Variants in KLHL7 observed in about 807,000 individuals in gnomAD.
KLHL7 encodes the protein kelch-like protein 7.
In KLHL7, 44 loss-of-function variants were observed where a neutral mutation model predicts 67.4. The observed-to-expected ratio is 0.65, with a 90% CI of 0.51 to 0.84. KLHL7 has a LOEUF of 0.84. Among genes scored for constraint, KLHL7 ranks in the 40% least tolerant of loss-of-function variants. The probability of loss-of-function intolerance (pLI) is 0.00; values close to 1 mark genes in which losing one functional copy is unlikely to be tolerated. For missense variants in KLHL7, 362 were observed against 718.1 expected (o/e 0.50, Z 5.67); for synonymous variants, 252 against 243.3 (o/e 1.04, Z -0.33).
rs1279215717 is a variant in KLHL7, at chr7:23,144,017, T to C, written c.785T>C (p.Met262Thr). The C allele has an allele frequency of 2.5e-6, 4 of 1,613,224 alleles. No homozygotes were observed. Among genetic ancestry groups the C allele is most frequent in the Admixed American group, 3.3e-5 (2 of 60,000 alleles). Residue 262 changes from methionine (M) to threonine (T), a missense_variant, in exon 6 of 11, where the codon ATG (methionine) becomes ACG (threonine). Physicochemically the swap from Met to Thr is moderately conservative, Grantham distance 81. Around this residue, in one of 5 missense-constraint regions of KLHL7, gnomAD observed 155 missense variants for 280.8 expected, o/e 0.55. Coordinates refer to ENST00000339077, the MANE Select transcript of KLHL7 (RefSeq NM_001031710.3). Reference sequence around the variant, plus strand: ...CAAGACAATCCTGAATGCCTTAAGATGGTGATAAGTAAGTTGCCTTAATAA... The same window carrying C: ...CAAGACAATCCTGAATGCCTTAAGACGGTGATAAGTAAGTTGCCTTAATAA... ...LIQDNPECLKMVISGMRYHLL... is the reference protein window; with the variant it reads ...LIQDNPECLKTVISGMRYHLL...
intron 6 of KLHL7, among the ~76,000 whole-genome samples, chr7:23,147,490 A>G (rs1020846789): frequency 1.3e-5 from 2 of 152,166 alleles, no homozygotes; most frequent in Non-Finnish European, 1.5e-5. Flanking sequence ...ATGTTTGGTA[A>G]TGTCAGTATC....
intron 6 of KLHL7, among the ~76,000 whole-genome samples, chr7:23,149,917 C>G (rs1784478412): frequency 6.6e-6 from 1 of 152,194 alleles, no homozygotes; most frequent in African/African-American, 2.4e-5. Context: ...AATTCACCAA[C>G]TATTCTCCAA....
At chr7:23,118,705 G>A (rs1783200105) in intron 1 of KLHL7, among the ~76,000 whole-genome samples, 1 of 152,096 alleles carries the variant, frequency 6.6e-6, no homozygotes, top group Non-Finnish European at 1.5e-5. Flanking sequence ...AGTTATCTCA[G>A]TATCATTTTT....
At chr7:23,113,062 G>A (rs531001261) in intron 1 of KLHL7, among the ~76,000 whole-genome samples, 1 of 152,104 alleles carries the variant, frequency 6.6e-6, no homozygotes, top group East Asian at 1.9e-4. Flanking sequence ...GAAGAAAGAG[G>A]GGATTGATAG....
chr7:23,137,915 G>A (rs1784038162), intron 4 of KLHL7, among the ~76,000 whole-genome samples: 1 of 150,928 alleles, frequency 6.6e-6, no homozygotes, highest in African/African-American at 2.4e-5. Context: ...GGTGGCTTAT[G>A]CCTGTAATCC....
At chr7:23,121,899 G>A (rs1016828170) in intron 1 of KLHL7, among the ~76,000 whole-genome samples, 22 of 151,964 alleles carry the variant, frequency 1.4e-4, no homozygotes, top group Non-Finnish European at 2.1e-4. Flanking sequence ...AGCCAGGATG[G>A]TCTCAATCTG....
chr7:23,123,865 AC>A lies in KLHL7; in HGVS notation c.210del (p.Leu71Ter). 1 of 1,609,160 alleles carries A rather than the reference AC, an allele frequency of 6.2e-7. No homozygotes were observed. Among genetic ancestry groups the A allele is most frequent in the Non-Finnish European group, 8.5e-7 (1 of 1,176,070 alleles). The stretch of plus-strand genomic sequence containing the variant: ...CTTGCTGCAGCCAGTCATTTTTTTA[AC>A]TTAATGTTCACAAGTAAGTATCTTA... ...VVLAAASHFFNLMFTTNMLES... is the reference protein window; with the variant it reads ...VVLAAASHFFXLMFTTNMLES... On this transcript the variant is annotated frameshift_variant, in exon 2 of 11. Transcript: ENST00000339077. LOFTEE classifies it high-confidence loss of function.
chr7:23,175,919 C>G lies in KLHL7; in HGVS notation c.*1621C>G, dbSNP rs1403871918. 2.1e-5 allele frequency: 3 copies of G among 143,210 alleles called. No individual in the cohort carries two copies. Among genetic ancestry groups the G allele is most frequent in the South Asian group, 2.2e-4 (1 of 4,624 alleles). 8.9% of individuals were successfully genotyped at this position (143,210 alleles called of 1,614,324 possible). On this transcript the variant is annotated 3_prime_UTR_variant, in exon 11 of 11. Coordinates refer to ENST00000339077, the MANE Select transcript of KLHL7 (RefSeq NM_001031710.3). Reference sequence around the variant, plus strand: ...GAGGTTGCAGTGAGCTGAGATCAAGCCACTGCACCCCAGCCTGGGCAACAG... The same window carrying G: ...GAGGTTGCAGTGAGCTGAGATCAAGGCACTGCACCCCAGCCTGGGCAACAG...
intron 4 of KLHL7, among the ~76,000 whole-genome samples, chr7:23,139,597 T>C (rs1452627426): frequency 1.3e-5 from 2 of 152,254 alleles, no homozygotes; most frequent in Non-Finnish European, 2.9e-5. Flanking sequence ...CTAATCTAAG[T>C]TGGTTAACAA....
At chr7:23,131,690 A>G (rs55716265) in intron 4 of KLHL7, among the ~76,000 whole-genome samples, 3,428 of 150,884 alleles carry the variant, frequency 0.023, 55 homozygotes, top group Non-Finnish European at 0.039. Context: ...AGTATTGACT[A>G]TAGTCACCCT....
chr7:23,166,227 T>C (rs76781638), intron 8 of KLHL7, among the ~76,000 whole-genome samples: 1,763 of 152,310 alleles, frequency 0.012, 44 homozygotes, highest in African/African-American at 0.041. Context: ...TTGGGCTGCA[T>C]AATATTATTT....
intron 1 of KLHL7, among the ~76,000 whole-genome samples, chr7:23,120,442 T>A (rs1299402019): frequency 1.3e-5 from 2 of 152,236 alleles, no homozygotes; most frequent in Non-Finnish European, 2.9e-5. Flanking sequence ...TTATACGGAA[T>A]GTAGTGATGT....
rs750816527 is a variant in KLHL7, at chr7:23,140,839, G to A, written c.513G>A (p.Gln171=). Residue 171 remains glutamine, a synonymous_variant, in exon 5 of 11, where the codon CAG becomes CAA. Transcript: ENST00000339077. ...CAACTGCAGATGACTTTATTCATCA[G>A]CACTTTACTGAAGTTTACAAAACTG... ...LKATADDFIH[Q]HFTEVYKTDE... 145 of 1,613,808 alleles carry A rather than the reference G, an allele frequency of 9.0e-5. 1 individual carries two copies. Among genetic ancestry groups the A allele is most frequent in the South Asian group, 6.6e-4 (60 of 91,090 alleles).
At chr7:23,140,594 C>A (rs1478427819) in intron 4 of KLHL7, 175 bp from the exon 5 acceptor site, 7 of 681,988 alleles carry the variant, frequency 1.0e-5, no homozygotes, top group Non-Finnish European at 1.8e-5. Flanking sequence ...AAAAACCAGT[C>A]TTTTATAAGA....
chr7:23,160,383 T>A (rs1302522000), intron 7 of KLHL7, among the ~76,000 whole-genome samples: 1 of 152,222 alleles, frequency 6.6e-6, no homozygotes, highest in Non-Finnish European at 1.5e-5. Context: ...AATGATTGAG[T>A]TTCTGAGTAG....
chr7:23,124,918 G>T, intron 3 of KLHL7, 130 bp from the exon 4 acceptor site: 1 of 1,072,698 alleles, frequency 9.3e-7, no homozygotes, highest in East Asian at 2.5e-5. Flanking sequence ...AGTATCCTAT[G>T]CCATACTAAT....
intron 4 of KLHL7, among the ~76,000 whole-genome samples, chr7:23,138,196 G>A (rs1406056844): frequency 6.7e-6 from 1 of 149,842 alleles, no homozygotes; most frequent in Non-Finnish European, 1.5e-5. Flanking sequence ...AGGCACGGTG[G>A]TTCACACCTG....
At chr7:23,141,538 T>C (rs1313757302) in intron 5 of KLHL7, among the ~76,000 whole-genome samples, 1 of 152,230 alleles carries the variant, frequency 6.6e-6, no homozygotes, top group African/African-American at 2.4e-5. Context: ...CCTATAGAAC[T>C]GTCAGATAAA....
intron 1 of KLHL7, among the ~76,000 whole-genome samples, chr7:23,107,214 T>C (rs1782680531): frequency 6.6e-6 from 1 of 152,250 alleles, no homozygotes; most frequent in African/African-American, 2.4e-5. Flanking sequence ...TTTTAAATCT[T>C]TCCTGGCCTG....
Sources: gnomAD v4.1 joint callset for allele counts (sites outside exome capture counted in the v4.1 genomes callset) on GRCh38, gnomAD v4.1.1 for gene constraint, gnomAD v4.1.1 regional missense constraint, MANE v1.5 for transcripts, NCBI Gene and HGNC (gene_info 2026-07-23, HGNC 2026-07-21) for gene names.